The following HPSE2 variants were observed in gnomAD, a reference collection of about 807,000 sequenced individuals.
The protein encoded by HPSE2 is inactive heparanase-2.
HPSE2 carries 38 observed loss-of-function variants against 60.5 expected under a neutral mutation model. The ratio of observed to expected loss-of-function variants is 0.63; its 90% CI spans 0.48 to 0.82. The LOEUF (loss-of-function observed/expected upper bound fraction) is 0.82. Ranked by LOEUF, HPSE2 falls within the 40% of genes least tolerant of loss-of-function variation. The pLI, the probability that HPSE2 is intolerant of heterozygous loss-of-function variation, is 0.00. For synonymous variants in HPSE2, 295 were observed against 293.2 expected, an observed-to-expected ratio of 1.01 and a Z score of -0.06; for missense variants, 713 against 740.4, an observed-to-expected ratio of 0.96 and a Z score of 0.43.
chr10:99,117,417 G>GAAA (rs1157232317), intron 3 of HPSE2, among the ~76,000 whole-genome samples: 5 of 24,816 alleles, frequency 2.0e-4, no homozygotes, highest in East Asian at 1.7e-3. Flanking sequence ...TTGTTTTTTT[G>GAAA]AAAAAAAAAA....
intron 1 of HPSE2, among the ~76,000 whole-genome samples, chr10:99,233,421 G>T (rs1358050328): frequency 6.6e-6 from 1 of 152,132 alleles, no homozygotes; most frequent in African/African-American, 2.4e-5. Flanking sequence ...TACTAAATGA[G>T]CACAAAACAA....
chr10:99,153,380 T>C (rs1486224210), intron 2 of HPSE2, among the ~76,000 whole-genome samples: 3 of 152,152 alleles, frequency 2.0e-5, no homozygotes, highest in African/African-American at 7.2e-5. Flanking sequence ...GAGCACTGGT[T>C]CTCCCAGCAG....
intron 9 of HPSE2, among the ~76,000 whole-genome samples, chr10:98,575,180 C>T (rs1944608845): frequency 6.6e-6 from 1 of 152,092 alleles, no homozygotes; most frequent in South Asian, 2.1e-4. Context: ...AAGAATTTAC[C>T]TTCATTTTCA....
At chr10:99,314,179 T>C in the HPSE2 span, among the ~76,000 whole-genome samples, 4 of 152,186 alleles carry the variant, frequency 2.6e-5, no homozygotes, top group Non-Finnish European at 5.9e-5. Context: ...TTTTGGTTTT[T>C]TGACACAAGG....
intron 3 of HPSE2, among the ~76,000 whole-genome samples, chr10:98,939,866 A>G (rs1339529665): frequency 6.9e-6 from 1 of 143,922 alleles, no homozygotes; most frequent in East Asian, 2.0e-4. Flanking sequence ...AAAGAACAGA[A>G]ATTATAACAA....
At chr10:98,506,162 A>G (rs1471814341) in intron 9 of HPSE2, among the ~76,000 whole-genome samples, 2 of 152,208 alleles carry the variant, frequency 1.3e-5, no homozygotes, top group Non-Finnish European at 2.9e-5. Context: ...CCTTCCAAGT[A>G]GGGAATCTTT....
intron 3 of HPSE2, among the ~76,000 whole-genome samples, chr10:98,858,535 T>C (rs913683307): frequency 4.6e-5 from 7 of 152,110 alleles, no homozygotes; most frequent in Non-Finnish European, 1.0e-4. Context: ...AAAGCAGATT[T>C]GGAGAAGGAA....
At chr10:98,968,497 T>C (rs1955870271) in intron 3 of HPSE2, among the ~76,000 whole-genome samples, 1 of 152,170 alleles carries the variant, frequency 6.6e-6, no homozygotes, top group Non-Finnish European at 1.5e-5. Context: ...ATCCGACTAC[T>C]GGGTATTTAC....
chr10:99,064,657 CCTT>C (rs1206644592), intron 3 of HPSE2, among the ~76,000 whole-genome samples: 32 of 151,176 alleles, frequency 2.1e-4, no homozygotes, highest in African/African-American at 6.3e-4. Context: ...ACATGAACTT[CCTT>C]CTTAACATTT....
At chr10:98,489,939 G>T in intron 10 of HPSE2, 112 bp downstream of exon 10, 1 of 1,267,030 alleles carries the variant, frequency 7.9e-7, no homozygotes. Context: ...GATTCCAGAG[G>T]CAAAAAGTTT....
At chr10:98,477,318 T>C (rs1941061619) in intron 11 of HPSE2, among the ~76,000 whole-genome samples, 1 of 152,178 alleles carries the variant, frequency 6.6e-6, no homozygotes. Context: ...TCAGACAGGA[T>C]TGAAATTGTG....
At chr10:98,662,807 GT>G (rs1947259140) in intron 6 of HPSE2, among the ~76,000 whole-genome samples, 2 of 152,166 alleles carry the variant, frequency 1.3e-5, no homozygotes, top group African/African-American at 4.8e-5. Flanking sequence ...ACTCATAGAA[GT>G]TTTGGATAAT....
chr10:98,923,970 C>G (rs1475667127), intron 3 of HPSE2, among the ~76,000 whole-genome samples: 2 of 152,118 alleles, frequency 1.3e-5, no homozygotes, highest in Non-Finnish European at 2.9e-5. Flanking sequence ...TGTAGAAGTT[C>G]TTTGGCATCT....
intron 3 of HPSE2, among the ~76,000 whole-genome samples, chr10:98,781,281 C>T (rs1328346199): frequency 7.6e-6 from 1 of 131,766 alleles, no homozygotes; most frequent in African/African-American, 2.9e-5. Context: ...ACCCATATAT[C>T]CACTTCTTTT....
intron 3 of HPSE2, among the ~76,000 whole-genome samples, chr10:98,887,524 T>C (rs765088235): frequency 6.6e-6 from 1 of 152,016 alleles, no homozygotes; most frequent in African/African-American, 2.4e-5. Context: ...ATGAAAGCCA[T>C]AGGGCCAGAA....
chr10:99,048,996 T>C (rs72838817), intron 3 of HPSE2, among the ~76,000 whole-genome samples: 26 of 152,184 alleles, frequency 1.7e-4, no homozygotes, highest in South Asian at 4.1e-4. Flanking sequence ...CCAAGAACCA[T>C]ATATTTTCAC....
chr10:99,296,361 C>G, the HPSE2 span, among the ~76,000 whole-genome samples: 7 of 152,272 alleles, frequency 4.6e-5, no homozygotes, highest in East Asian at 5.8e-4. Flanking sequence ...AGATGCCCCC[C>G]CAACATGCCG....
intron 2 of HPSE2, among the ~76,000 whole-genome samples, chr10:99,215,688 C>T (rs191912566): frequency 2.0e-5 from 3 of 152,218 alleles, no homozygotes; most frequent in Admixed American, 1.3e-4. Flanking sequence ...TATGAAATAT[C>T]CAAAATAAGC....
At chr10:99,101,209 T>C (rs1226288671) in intron 3 of HPSE2, among the ~76,000 whole-genome samples, 5 of 151,744 alleles carry the variant, frequency 3.3e-5, no homozygotes, top group Non-Finnish European at 7.4e-5. Flanking sequence ...GTATAAAGAG[T>C]CAAGACCCAT....
Sources: allele counts gnomAD v4.1 joint callset (sites outside exome capture counted in the v4.1 genomes callset), GRCh38; gene constraint gnomAD v4.1.1; transcripts MANE v1.5; gene names NCBI Gene and HGNC (gene_info 2026-07-23, HGNC 2026-07-21).